The following ZNF487 variants were observed in gnomAD, a reference collection of about 807,000 sequenced individuals.
The protein encoded by ZNF487 is KRAB domain only 1.
In ZNF487, 4 loss-of-function variants were observed where a neutral mutation model predicts 3.0. That is an observed-to-expected ratio of 1.35 (90% CI 0.66 to 3.08). The LOEUF (loss-of-function observed/expected upper bound fraction) is 3.08. Among genes scored for constraint, ZNF487 ranks in the 30% most tolerant of loss-of-function variants. The pLI is 0.01. For missense variants in ZNF487, 146 were observed against 98.7 expected (o/e 1.48, Z -2.03); for synonymous variants, 55 against 34.6 (o/e 1.59, Z -2.06).
At chr10:43,469,489 G>T (rs1428788857) in intron 1 of ZNF487, among the ~76,000 whole-genome samples, 1 of 151,944 alleles carries the variant, frequency 6.6e-6, no homozygotes, top group African/African-American at 2.4e-5. Context: ...CACCGCGCCT[G>T]GCCATCATTT....
At chr10:43,507,132 GA>G in the ZNF487 span, among the ~76,000 whole-genome samples, 1 of 152,134 alleles carries the variant, frequency 6.6e-6, no homozygotes, top group African/African-American at 2.4e-5. Context: ...GGTGGTTTAT[GA>G]GGCTCCCTCC....
chr10:43,515,760 A>G, the ZNF487 span, among the ~76,000 whole-genome samples: 5 of 152,218 alleles, frequency 3.3e-5, no homozygotes, highest in East Asian at 7.7e-4. Context: ...TGAAGCTGGG[A>G]GAGAGAATCC....
At position 43,465,411 on chromosome 10, in the gene ZNF487, G is replaced by C. The variant is rs1840652805; in HGVS notation, c.-93-10310G>C. Among the ~76,000 whole-genome samples the C allele has an allele frequency of 2.0e-5, 3 of 151,678 alleles. No homozygotes were observed. In the South Asian group the frequency reaches 6.2e-4, roughly 32 times the overall value. On this transcript the variant is annotated intron_variant, in intron 1 of 3. Coordinates refer to ENST00000437590, the MANE Select transcript of ZNF487 (RefSeq NM_001355444.3). Reference sequence around the variant, plus strand: ...TCAGACGGGGCGGCTGCCGGGCGGAGGGGCTCCTCACTTCTCAGATGGGGC... The same window carrying C: ...TCAGACGGGGCGGCTGCCGGGCGGACGGGCTCCTCACTTCTCAGATGGGGC...
chr10:43,516,455 C>T, the ZNF487 span, among the ~76,000 whole-genome samples: 1 of 152,130 alleles, frequency 6.6e-6, no homozygotes, highest in African/African-American at 2.4e-5. Context: ...AGGGACAGAA[C>T]TCTAATGGAA....
At chr10:43,475,668 G>A (rs1841070275) in intron 1 of ZNF487, 53 bp from the exon 2 acceptor site, 1 of 759,624 alleles carries the variant, frequency 1.3e-6, no homozygotes. Context: ...CACACATGTT[G>A]TATGCTCTCC....
the ZNF487 span, among the ~76,000 whole-genome samples, chr10:43,522,013 C>G: frequency 6.6e-6 from 1 of 152,024 alleles, no homozygotes; most frequent in Non-Finnish European, 1.5e-5. Context: ...TCATTAATGA[C>G]AACTGTGGTA....
In ZNF487 at chr10:43,446,719, C is replaced by T. The variant is rs183903909; in HGVS notation, c.-94+9457C>T. On this transcript the variant is annotated intron_variant, in intron 1 of 3. Transcript: ENST00000437590. ...CTCCTCACTTCCCAGACTGGGCTGC[C>T]GGGCAGAGGGGCTCCTCACATCCCA... Among the ~76,000 whole-genome samples the T allele has an allele frequency of 7.0e-3, 1,055 of 151,242 alleles. 14 individuals are homozygous for T. The highest frequency in any genetic ancestry group is 0.025 in the African/African-American group (1,010 of 40,960).
At chr10:43,453,894 T>G (rs1452510960) in intron 1 of ZNF487, 1 of 152,166 alleles carries the variant, frequency 6.6e-6, no homozygotes, top group Non-Finnish European at 1.5e-5. Context: ...AAGGGCTGCC[T>G]GATGAGTATA....
At chr10:43,513,074 A>T in the ZNF487 span, among the ~76,000 whole-genome samples, 1 of 152,212 alleles carries the variant, frequency 6.6e-6, no homozygotes, top group Non-Finnish European at 1.5e-5. Flanking sequence ...TGCTCACTGG[A>T]TCCAGTCAGC....
chr10:43,463,871 G>A (rs1355262553), intron 1 of ZNF487, among the ~76,000 whole-genome samples: 2 of 151,798 alleles, frequency 1.3e-5, no homozygotes, highest in Non-Finnish European at 2.9e-5. Flanking sequence ...TATATAAGAT[G>A]GTTAAAATTA....
At chr10:43,473,317 T>C (rs1351439955) in intron 1 of ZNF487, among the ~76,000 whole-genome samples, 1 of 151,780 alleles carries the variant, frequency 6.6e-6, no homozygotes, top group Non-Finnish European at 1.5e-5. Flanking sequence ...TGACCTCAGG[T>C]GATCTGCCCA....
chr10:43,442,081 T>C (rs1170797409), intron 1 of ZNF487, among the ~76,000 whole-genome samples: 2 of 152,124 alleles, frequency 1.3e-5, no homozygotes, highest in Non-Finnish European at 2.9e-5. Flanking sequence ...TAAATTTAGC[T>C]GGATGTGATG....
chr10:43,510,767 C>G, the ZNF487 span, among the ~76,000 whole-genome samples: 16 of 152,306 alleles, frequency 1.1e-4, 1 homozygote, highest in African/African-American at 3.8e-4. Flanking sequence ...AGGCTGGTCT[C>G]AAACTCCTGA....
At chr10:43,464,646 C>G (rs1412958070) in intron 1 of ZNF487, among the ~76,000 whole-genome samples, 1 of 152,170 alleles carries the variant, frequency 6.6e-6, no homozygotes, top group Non-Finnish European at 1.5e-5. Context: ...CCATTTAACC[C>G]TGAGTTGACA....
chr10:43,495,036 CTT>C, the ZNF487 span, among the ~76,000 whole-genome samples: 1 of 151,682 alleles, frequency 6.6e-6, no homozygotes, highest in African/African-American at 2.4e-5. Context: ...ATATGTTTAA[CTT>C]ATGATAAAAT....
At chr10:43,443,061 C>CTTTTTTTTTTTTTTTTT (rs34420531) in intron 1 of ZNF487, among the ~76,000 whole-genome samples, 1 of 119,908 alleles carries the variant, frequency 8.3e-6, no homozygotes. Flanking sequence ...CTCGTTCTAG[C>CTTTTTTTTTTTTTTTTT]TTTTTTTTTT....
the ZNF487 span, among the ~76,000 whole-genome samples, chr10:43,492,500 G>A: frequency 6.6e-6 from 1 of 151,416 alleles, no homozygotes; most frequent in African/African-American, 2.4e-5. Flanking sequence ...CGCCCAGGCT[G>A]GAGTGTAGTG....
At chr10:43,520,668 C>T in the ZNF487 span, among the ~76,000 whole-genome samples, 2 of 152,166 alleles carry the variant, frequency 1.3e-5, no homozygotes, top group East Asian at 1.9e-4. Flanking sequence ...TTAATATCAC[C>T]ACCTTTTAAC....
chr10:43,449,438 C>A (rs1183075570), intron 1 of ZNF487, among the ~76,000 whole-genome samples: 14 of 152,050 alleles, frequency 9.2e-5, no homozygotes, highest in Admixed American at 8.5e-4. Flanking sequence ...TATTATTATT[C>A]AAGTCAACTC....
Sources: allele counts gnomAD v4.1 joint callset (sites outside exome capture counted in the v4.1 genomes callset), GRCh38; gene constraint gnomAD v4.1.1; transcripts MANE v1.5; gene names NCBI Gene and HGNC (gene_info 2026-07-23, HGNC 2026-07-21).